The following INSL6 variants were observed in gnomAD, a reference collection of about 807,000 sequenced individuals.
The protein encoded by INSL6 is insulin like 6, also known as insulin-like peptide INSL6.
Under a neutral mutation model 9.4 loss-of-function variants are expected in INSL6, and 16 were observed. The observed-to-expected ratio is 1.70, with a 90% CI of 1.15 to 2.59. The LOEUF is 2.59. Ranked by LOEUF, INSL6 falls within the 30% of genes most tolerant of loss-of-function variation. INSL6 has a pLI of 0.00. For missense variants in INSL6, 391 were observed against 257.3 expected (o/e 1.52, Z -3.56); for synonymous variants, 154 against 96.9 (o/e 1.59, Z -3.46).
At chr9:5,181,919 G>A (rs952351350) in intron 1 of INSL6, among the ~76,000 whole-genome samples, 2 of 152,192 alleles carry the variant, frequency 1.3e-5, no homozygotes, top group African/African-American at 4.8e-5. Flanking sequence ...GTTAATAACT[G>A]TATAATGCTA....
At chr9:5,184,050 T>C (rs1825514259) in intron 1 of INSL6, among the ~76,000 whole-genome samples, 1 of 152,188 alleles carries the variant, frequency 6.6e-6, no homozygotes, top group South Asian at 2.1e-4. Flanking sequence ...TGTGGGTTAG[T>C]TTGATGGGTC....
chr9:5,027,702 A>G, the INSL6 span, among the ~76,000 whole-genome samples: 1 of 152,238 alleles, frequency 6.6e-6, no homozygotes, highest in Non-Finnish European at 1.5e-5. Context: ...AAGTTGATGT[A>G]GTATTATAAA....
At chr9:5,007,990 A>G in the INSL6 span, among the ~76,000 whole-genome samples, 1 of 152,090 alleles carries the variant, frequency 6.6e-6, no homozygotes, top group Non-Finnish European at 1.5e-5. Flanking sequence ...CGGCCTCCCA[A>G]AGTGCTGGGA....
intron 2 of INSL6, among the ~76,000 whole-genome samples, chr9:5,140,757 G>C (rs986479394): frequency 3.9e-5 from 6 of 152,002 alleles, no homozygotes; most frequent in African/African-American, 1.5e-4. Context: ...TACATATGCA[G>C]GTTTGTTACA....
the INSL6 span, among the ~76,000 whole-genome samples, chr9:5,039,710 T>C: frequency 2.0e-5 from 3 of 151,986 alleles, no homozygotes; most frequent in African/African-American, 7.2e-5. Context: ...AATCCAAAAA[T>C]GAAATTAAAA....
downstream of INSL6, among the ~76,000 whole-genome samples, chr9:5,121,443 C>A (rs2130847525): frequency 6.6e-6 from 1 of 152,252 alleles, no homozygotes; most frequent in African/African-American, 2.4e-5. Context: ...TGGCTTTATA[C>A]AAAGGAAAAT....
the INSL6 span, among the ~76,000 whole-genome samples, chr9:5,071,110 T>G: frequency 6.6e-6 from 1 of 152,184 alleles, no homozygotes; most frequent in Non-Finnish European, 1.5e-5. Flanking sequence ...TTGGGCTTCA[T>G]TATACTACCT....
At chr9:5,002,106 T>G in the INSL6 span, among the ~76,000 whole-genome samples, 3 of 151,946 alleles carry the variant, frequency 2.0e-5, no homozygotes, top group Non-Finnish European at 2.9e-5. Flanking sequence ...TTATCAACTT[T>G]TTAAATCTTT....
chr9:5,164,045 T>C lies in INSL6; in HGVS notation c.510A>G (p.Lys170=). 1 of 1,613,798 alleles carries C rather than the reference T, an allele frequency of 6.2e-7. No individual in the cohort carries two copies. Among genetic ancestry groups the C allele is most frequent in the Middle Eastern group, 1.7e-4 (1 of 6,058 alleles). Residue 170 remains lysine (K), a synonymous_variant, in exon 2 of 2, where the codon AAA becomes AAG. Transcript: ENST00000381641. ...NLFWGHHPQR[K]RRGYSEKCCL... is the part of the protein sequence containing the mutation. ...AACACTTTTCTGAATATCCTCTGCG[T>C]TTTCTTTGGGGATGATGCCCCCAAA...
intron 1 of INSL6, among the ~76,000 whole-genome samples, chr9:5,167,776 C>T (rs1346807107): frequency 2.0e-5 from 3 of 152,180 alleles, no homozygotes; most frequent in Non-Finnish European, 2.9e-5. Flanking sequence ...GGTCCCTGAT[C>T]CTATTCCTCC....
chr9:5,080,928 C>T, the INSL6 span, among the ~76,000 whole-genome samples: 2 of 111,912 alleles, frequency 1.8e-5, no homozygotes, highest in African/African-American at 7.0e-5. Flanking sequence ...TGGAGTCTTA[C>T]TCTGTCGCCC....
At chr9:5,164,306 C>A (rs755479287) in intron 1 of INSL6, 41 bp from the exon 2 acceptor site, 2 of 1,300,838 alleles carry the variant, frequency 1.5e-6, no homozygotes, top group South Asian at 1.3e-5. Context: ...TTATTAAAAT[C>A]TTCCTTTAGA....
the INSL6 span, among the ~76,000 whole-genome samples, chr9:5,011,211 A>G: frequency 2.6e-5 from 4 of 151,066 alleles, no homozygotes; most frequent in Admixed American, 6.6e-5. Flanking sequence ...TTCCACTTAT[A>G]TGTATCAGAC....
At chr9:5,040,179 G>C in the INSL6 span, among the ~76,000 whole-genome samples, 1 of 152,118 alleles carries the variant, frequency 6.6e-6, no homozygotes, top group Admixed American at 6.5e-5. Flanking sequence ...TTTTTGATCA[G>C]GGTGCCAAGA....
chr9:5,067,274 A>T, the INSL6 span, among the ~76,000 whole-genome samples: 1 of 152,138 alleles, frequency 6.6e-6, no homozygotes, highest in African/African-American at 2.4e-5. Flanking sequence ...TATTTTTAAG[A>T]ATAGTGGTCT....
At chr9:5,076,321 A>T in the INSL6 span, among the ~76,000 whole-genome samples, 1 of 152,130 alleles carries the variant, frequency 6.6e-6, no homozygotes, top group African/African-American at 2.4e-5. Flanking sequence ...CTACAGAGAA[A>T]TCTTTCATGA....
chr9:5,179,144 A>G (rs912074046), intron 1 of INSL6, among the ~76,000 whole-genome samples: 1 of 152,168 alleles, frequency 6.6e-6, no homozygotes, highest in African/African-American at 2.4e-5. Context: ...TCCAGCATCT[A>G]TAAGTAACTT....
chr9:5,074,360 G>A, the INSL6 span, among the ~76,000 whole-genome samples: 1 of 151,968 alleles, frequency 6.6e-6, no homozygotes, highest in South Asian at 2.1e-4. Context: ...GAAGGTTTAC[G>A]GCAACCCAGT....
the INSL6 span, chr9:5,096,828 A>T: frequency 5.3e-5 from 8 of 152,180 alleles, no homozygotes; most frequent in Non-Finnish European, 8.8e-5. Flanking sequence ...CCAGATCTAT[A>T]ATGTTATTGT....
Sources: gnomAD v4.1 joint callset for allele counts (sites outside exome capture counted in the v4.1 genomes callset) on GRCh38, gnomAD v4.1.1 for gene constraint, MANE v1.5 for transcripts, NCBI Gene and HGNC (gene_info 2026-07-23, HGNC 2026-07-21) for gene names.